The following DTHD1 variants were observed in gnomAD, a reference collection of about 807,000 sequenced individuals.
DTHD1 encodes death domain containing 1.
A neutral mutation model predicts 74.8 loss-of-function variants in DTHD1; 59 were observed. The ratio of observed to expected loss-of-function variants is 0.79; its 90% CI spans 0.64 to 0.98. The LOEUF (loss-of-function observed/expected upper bound fraction) is 0.98, where lower values mean the gene tolerates loss of function less well. Among genes scored for constraint, DTHD1 ranks in the 50% least tolerant of loss-of-function variants. DTHD1 has a pLI of 0.00. For synonymous variants in DTHD1, 365 were observed against 371.1 expected, an observed-to-expected ratio of 0.98 and a Z score of 0.19; for missense variants, 1,051 against 1,065.4, an observed-to-expected ratio of 0.99 and a Z score of 0.19.
rs73119372 is a variant in DTHD1 at position 36,320,439 on chromosome 4, T to C, written c.2340+3953T>C. Among the ~76,000 whole-genome samples, 405 of 152,338 alleles carry C rather than the reference T, an allele frequency of 2.7e-3. 2 individuals are homozygous for C. Among genetic ancestry groups the C allele is most frequent in the African/African-American group, 8.6e-3 (359 of 41,574 alleles). ...ACCTTACAGTTACTCAACCTTGAAATTGATAATCCTGAAACTATATTGGCA... is the reference window on the plus strand; with the variant it reads ...ACCTTACAGTTACTCAACCTTGAAACTGATAATCCTGAAACTATATTGGCA... On this transcript the variant is annotated intron_variant, in intron 8 of 9. Transcript: ENST00000639862.
chr4:36,319,641 C>T (rs1301384605), intron 8 of DTHD1, among the ~76,000 whole-genome samples: 1 of 152,112 alleles, frequency 6.6e-6, no homozygotes, highest in Admixed American at 6.5e-5. Context: ...AAAGAAAGGC[C>T]GTTATGTCAG....
intron 4 of DTHD1, among the ~76,000 whole-genome samples, chr4:36,294,271 A>G (rs779212934): frequency 1.3e-5 from 2 of 151,844 alleles, no homozygotes; most frequent in Admixed American, 6.6e-5. Context: ...TCTCCTCTCT[A>G]TTTCTCCCAG....
At position 36,282,096 on chromosome 4, in the gene DTHD1, G is replaced by C. The variant is rs2109432420; in HGVS notation, c.271+67G>C. The C allele has an allele frequency of 3.0e-6, 4 of 1,338,600 alleles. No homozygotes were observed. In the East Asian group the frequency reaches 1.1e-4, roughly 35 times the overall value. The allele number at this position is 1,338,600 out of a possible 1,614,324, so 82.9% of individuals were successfully genotyped here. On this transcript the variant is annotated intron_variant, in intron 1 of 9. Transcript: ENST00000639862. ...ATTGATTAGGGCAAGATCTGAGAGG[G>C]GCTATGAGTATACCAGATAGGCTAA...
In DTHD1 at chr4:36,343,674, A is replaced by G. The variant is rs1041254036; in HGVS notation, c.2571A>G (p.Lys857=). 1 of 1,551,788 alleles carries G rather than the reference A, an allele frequency of 6.4e-7. No individual in the cohort carries two copies. Among genetic ancestry groups the G allele is most frequent in the Non-Finnish European group, 8.7e-7 (1 of 1,146,974 alleles). ...QIHEFLCFWK[K]SLPTFTDKLR... is the part of the protein sequence containing the mutation. ...ACGAGTTTCTTTGCTTCTGGAAAAA[A>G]TCGCTTCCAACTTTCACCGACAAAC... Residue 857 remains lysine, a synonymous_variant, in exon 10 of 10, where the codon AAA becomes AAG. Transcript: ENST00000639862.
chr4:36,293,741 A>T (rs1253560724), intron 4 of DTHD1, 36 bp downstream of exon 4: 2 of 1,444,470 alleles, frequency 1.4e-6, no homozygotes, highest in South Asian at 2.9e-5. Flanking sequence ...TCCTGCTCAT[A>T]GATTTTGTGG....
intron 8 of DTHD1, among the ~76,000 whole-genome samples, chr4:36,335,512 C>T (rs551598708): frequency 1.3e-5 from 2 of 152,284 alleles, no homozygotes; most frequent in East Asian, 3.9e-4. Context: ...TAAGCATGAG[C>T]TATTGCACCC....
intron 9 of DTHD1, among the ~76,000 whole-genome samples, chr4:36,342,222 C>T (rs905602457): frequency 6.6e-6 from 1 of 152,156 alleles, no homozygotes; most frequent in African/African-American, 2.4e-5. Flanking sequence ...ATGGAGGTAG[C>T]AGAACTCTGG....
Position 36,337,962 on chromosome 4 carries a change from T to C in DTHD1, c.2341-1150T>C, listed in dbSNP as rs1254240222. 2.0e-5 allele frequency among the ~76,000 whole-genome samples: 3 copies of C among 152,244 alleles called. No individual in the cohort carries two copies. The South Asian group carries it at 6.2e-4, about 31-fold the overall frequency. On this transcript the variant is annotated intron_variant, in intron 8 of 9. Transcript: ENST00000639862. The stretch of plus-strand genomic sequence containing the variant: ...TTACCCAGATTTCCTTAGTGGTTGC[T>C]TTTTAGATAACTATGGCAAGATATC...
Position 36,295,054 on chromosome 4 carries a change from A to G in DTHD1, c.1643+15A>G. 2 of 1,516,652 alleles carry G rather than the reference A, an allele frequency of 1.3e-6. No homozygotes were observed. The highest frequency in any genetic ancestry group is 1.8e-6 in the Non-Finnish European group (2 of 1,125,218). 93.9% of individuals were successfully genotyped at this position (1,516,652 alleles called of 1,614,324 possible). A position where few individuals can be genotyped will look rare whatever the true frequency, so the allele number is the denominator to read the frequency against. On this transcript the variant is annotated intron_variant, in intron 5 of 9. Coordinates refer to ENST00000639862, the MANE Select transcript of DTHD1 (RefSeq NM_001170700.3). The stretch of plus-strand genomic sequence containing the variant: ...TATTTCAACCGGTGAGTAAGTTTCT[A>G]ATATTGTAAACTGGCTTAATGTCAA...
rs2109436937 is a variant in DTHD1, at chr4:36,284,115, C to T, written c.411C>T (p.Ser137=). 1 of 1,537,154 alleles carries T rather than the reference C, an allele frequency of 6.5e-7. No individual in the cohort carries two copies. The highest frequency in any genetic ancestry group is 2.4e-5 in the East Asian group (1 of 40,902). Residue 137 remains serine (S), a synonymous_variant, in exon 2 of 10, where the codon TCC becomes TCT. Coordinates refer to ENST00000639862, the MANE Select transcript of DTHD1 (RefSeq NM_001170700.3). The part of the protein sequence containing the change: ...HDECTPQQTM[S]SIQDTKAADI... ...AATGTACTCCACAGCAGACAATGTC[C>T]TCCATTCAAGATACCAAAGCAGCAG... is the stretch of plus-strand genomic sequence containing the variant.
At chr4:36,327,600 T>G (rs1490739738) in intron 8 of DTHD1, among the ~76,000 whole-genome samples, 1 of 152,236 alleles carries the variant, frequency 6.6e-6, no homozygotes, top group African/African-American at 2.4e-5. Flanking sequence ...TATGGAGCGC[T>G]TGCATGTTTG....
chr4:36,316,028 T>A (rs577117361), intron 7 of DTHD1, among the ~76,000 whole-genome samples: 99 of 152,320 alleles, frequency 6.5e-4, no homozygotes, highest in Non-Finnish European at 4.0e-4. Context: ...CACCGCCTCC[T>A]GGGTTCACGC....
At chr4:36,338,314 T>C (rs567735262) in intron 8 of DTHD1, among the ~76,000 whole-genome samples, 2 of 152,334 alleles carry the variant, frequency 1.3e-5, no homozygotes, top group East Asian at 3.9e-4. Context: ...TTACTTTAGT[T>C]CCTGTAGTGT....
intron 2 of DTHD1, among the ~76,000 whole-genome samples, chr4:36,288,873 C>T (rs186791761): frequency 8.1e-4 from 123 of 152,228 alleles, no homozygotes; most frequent in Middle Eastern, 3.4e-3. Flanking sequence ...AGTTATACAA[C>T]GCTGGGTCAC....
intron 7 of DTHD1, among the ~76,000 whole-genome samples, chr4:36,313,417 GAAA>G (rs34007292): frequency 3.5e-5 from 5 of 144,332 alleles, no homozygotes; most frequent in African/African-American, 1.0e-4. Context: ...AGTGAGGGAG[GAAA>G]AAAAAAAAAA....
intron 3 of DTHD1, among the ~76,000 whole-genome samples, chr4:36,293,097 A>C (rs1226433293): frequency 1.3e-5 from 2 of 152,232 alleles, no homozygotes; most frequent in Admixed American, 1.3e-4. Context: ...ACAGTGTTTG[A>C]GCAAACTACA....
intron 7 of DTHD1, among the ~76,000 whole-genome samples, chr4:36,309,003 G>A (rs565805516): frequency 3.3e-5 from 5 of 152,172 alleles, no homozygotes; most frequent in Admixed American, 2.6e-4. Flanking sequence ...AAAAATGTGT[G>A]AATAGATCTA....
At chr4:36,282,455 AT>A (rs1269822507) in intron 1 of DTHD1, among the ~76,000 whole-genome samples, 1 of 152,196 alleles carries the variant, frequency 6.6e-6, no homozygotes, top group African/African-American at 2.4e-5. Flanking sequence ...ATATCAGAAT[AT>A]AGTATTCTAT....
In DTHD1 at chr4:36,290,461, C is replaced by G. The variant is rs369825204; in HGVS notation, c.976C>G (p.Arg326Gly). Residue 326 changes from arginine (R) to glycine (G), a missense_variant, in exon 3 of 10, where the codon CGG (arginine) becomes GGG (glycine). Transcript: ENST00000639862. ...ATATGTTCTACAACAACTAGAATGC[C>G]GGATAATAAATCACATGAGTTCTTT... Reference protein sequence around the residue: ...PSYVLQQLECRIINHMSSLIV... With the variant: ...PSYVLQQLECGIINHMSSLIV... The G allele has an allele frequency of 9.7e-6, 15 of 1,551,696 alleles. No individual in the cohort carries two copies. The highest frequency in any genetic ancestry group is 1.3e-5 in the Non-Finnish European group (15 of 1,146,970).
Sources: allele counts gnomAD v4.1 joint callset (sites outside exome capture counted in the v4.1 genomes callset), GRCh38; gene constraint gnomAD v4.1.1; transcripts MANE v1.5; gene names NCBI Gene and HGNC (gene_info 2026-07-23, HGNC 2026-07-21).